Variants in KCNN2 observed in about 807,000 individuals in gnomAD.
The protein encoded by KCNN2 is potassium calcium-activated channel subfamily N member 2, also known as small conductance calcium-activated potassium channel protein 2.
A neutral mutation model predicts 55.5 loss-of-function variants in KCNN2; 24 were observed. That is an observed-to-expected ratio of 0.43 (90% CI 0.31 to 0.61). KCNN2 has a LOEUF of 0.61. KCNN2 is among the 20% of genes least tolerant of loss of function. The pLI, the probability that KCNN2 is intolerant of heterozygous loss-of-function variation, is 0.08. For missense variants in KCNN2, 754 were observed against 853.6 expected, an observed-to-expected ratio of 0.88 and a Z score of 1.45; for synonymous variants, 431 against 336.1, an observed-to-expected ratio of 1.28 and a Z score of -3.09.
intron 1 of KCNN2, among the ~76,000 whole-genome samples, chr5:114,153,582 A>T (rs1026617402): frequency 6.6e-6 from 1 of 152,234 alleles, no homozygotes; most frequent in Non-Finnish European, 1.5e-5. Context: ...TCCACAAGGC[A>T]CTGTGAGAAA....
At chr5:114,135,692 G>A (rs1218089358) in intron 1 of KCNN2, among the ~76,000 whole-genome samples, 1 of 152,126 alleles carries the variant, frequency 6.6e-6, no homozygotes, top group Non-Finnish European at 1.5e-5. Context: ...AGACATCTGA[G>A]GAAATGTCGA....
At chr5:114,318,908 C>T (rs1385744916) in intron 2 of KCNN2, among the ~76,000 whole-genome samples, 1 of 152,060 alleles carries the variant, frequency 6.6e-6, no homozygotes, top group Non-Finnish European at 1.5e-5. Flanking sequence ...TTCAGTATTA[C>T]AGCTGAAAAA....
At chr5:114,359,667 G>C (rs1283475851), upstream of KCNN2, among the ~76,000 whole-genome samples, 1 of 152,046 alleles carries the variant, frequency 6.6e-6, no homozygotes, top group Non-Finnish European at 1.5e-5. Context: ...CTAAATTTAT[G>C]AACGGCTAAT....
At chr5:114,444,784 T>G (rs1760342697) in intron 3 of KCNN2, among the ~76,000 whole-genome samples, 1 of 152,144 alleles carries the variant, frequency 6.6e-6, no homozygotes, top group Admixed American at 6.6e-5. Context: ...GACCTGAAGC[T>G]TCACAAAAAC....
intron 1 of KCNN2, among the ~76,000 whole-genome samples, chr5:114,078,114 G>C (rs947597089): frequency 6.6e-6 from 1 of 152,066 alleles, no homozygotes; most frequent in African/African-American, 2.4e-5. Flanking sequence ...AAATCAGGGA[G>C]GTCTAGTCAT....
At chr5:114,329,971 G>A (rs1366899643) in intron 2 of KCNN2, among the ~76,000 whole-genome samples, 2 of 152,010 alleles carry the variant, frequency 1.3e-5, no homozygotes, top group East Asian at 3.9e-4. Flanking sequence ...CCCCAGGAGA[G>A]CACCACCCTC....
intron 1 of KCNN2, among the ~76,000 whole-genome samples, chr5:114,177,881 T>G (rs1254716828): frequency 6.6e-6 from 1 of 152,134 alleles, no homozygotes; most frequent in Admixed American, 6.5e-5. Flanking sequence ...GACATCGGAT[T>G]AAATCAAATA....
At chr5:114,305,481 G>T (rs192063203) in intron 2 of KCNN2, among the ~76,000 whole-genome samples, 14 of 152,292 alleles carry the variant, frequency 9.2e-5, no homozygotes, top group African/African-American at 3.1e-4. Flanking sequence ...GGCTGTGGAT[G>T]GGTCAAGGGA....
At chr5:114,157,393 T>C (rs1752658785) in intron 1 of KCNN2, among the ~76,000 whole-genome samples, 1 of 152,152 alleles carries the variant, frequency 6.6e-6, no homozygotes, top group African/African-American at 2.4e-5. Flanking sequence ...ATTTTCTTAA[T>C]CCAGTCTATC....
intron 1 of KCNN2, among the ~76,000 whole-genome samples, chr5:114,073,462 T>C (rs760544178): frequency 6.6e-6 from 1 of 152,228 alleles, no homozygotes; most frequent in Non-Finnish European, 1.5e-5. Flanking sequence ...TTTTTGCTAT[T>C]ATAGCTTATT....
chr5:114,065,492 C>T (rs1330126065), intron 1 of KCNN2, among the ~76,000 whole-genome samples: 1 of 152,226 alleles, frequency 6.6e-6, no homozygotes, highest in Non-Finnish European at 1.5e-5. Flanking sequence ...TTTGCTGAAA[C>T]ACTGTAGGTG....
At chr5:114,394,377 G>A (rs1173546571) in intron 2 of KCNN2, among the ~76,000 whole-genome samples, 1 of 152,138 alleles carries the variant, frequency 6.6e-6, no homozygotes, top group African/African-American at 2.4e-5. Flanking sequence ...ATGTATTAGG[G>A]AGGTTAGTCC....
intron 5 of KCNN2, among the ~76,000 whole-genome samples, chr5:114,481,198 A>C (rs1431547643): frequency 6.6e-6 from 1 of 152,128 alleles, no homozygotes; most frequent in East Asian, 1.9e-4. Flanking sequence ...ATTCCTATAC[A>C]CCACCAACAG....
chr5:114,149,680 T>C (rs1752475197), intron 1 of KCNN2, among the ~76,000 whole-genome samples: 1 of 152,112 alleles, frequency 6.6e-6, no homozygotes, highest in Non-Finnish European at 1.5e-5. Context: ...TAAAATATAG[T>C]GTGTGCATCA....
intron 1 of KCNN2, among the ~76,000 whole-genome samples, chr5:114,155,195 A>G (rs1752605283): frequency 1.3e-5 from 2 of 152,092 alleles, no homozygotes; most frequent in South Asian, 4.1e-4. Context: ...AGCCCCATCC[A>G]TGTCCCTGCA....
chr5:114,337,851 A>T (rs1425356150), intron 2 of KCNN2, among the ~76,000 whole-genome samples: 1 of 152,212 alleles, frequency 6.6e-6, no homozygotes, highest in Non-Finnish European at 1.5e-5. Flanking sequence ...CTCACATATT[A>T]AAAGTTTTTA....
At chr5:114,160,018 A>T (rs1752731393) in intron 1 of KCNN2, among the ~76,000 whole-genome samples, 2 of 151,802 alleles carry the variant, frequency 1.3e-5, no homozygotes, top group South Asian at 4.2e-4. Flanking sequence ...TTCTGCTCTG[A>T]TGTTAGTTAT....
In KCNN2 at chr5:114,231,794, A is replaced by G. The variant is rs370715211; in HGVS notation, c.-185+10229A>G. 1.3e-4 allele frequency among the ~76,000 whole-genome samples: 20 copies of G among 150,924 alleles called. 1 individual carries two copies. Among genetic ancestry groups the G allele is most frequent in the Non-Finnish European group, 1.9e-4 (13 of 68,004 alleles). ...ATCCTCCAAAACTATGTCCATCACT[A>G]GATGACTTAATCACTTCTATCCTTT... On this transcript the variant is annotated intron_variant, in intron 2 of 10. Transcript: ENST00000512097.
chr5:114,410,483 A>C (rs337708), intron 3 of KCNN2, among the ~76,000 whole-genome samples: 1 of 151,930 alleles, frequency 6.6e-6, no homozygotes, highest in African/African-American at 2.4e-5. Context: ...AGAGGGAAAA[A>C]GAGTATTTAT....
Sources: allele counts gnomAD v4.1 joint callset (sites outside exome capture counted in the v4.1 genomes callset), GRCh38; gene constraint gnomAD v4.1.1; transcripts MANE v1.5; gene names NCBI Gene and HGNC (gene_info 2026-07-23, HGNC 2026-07-21).